Variants in DLX1 observed in about 807,000 individuals in gnomAD.
DLX1 encodes the protein distal-less homeobox 1.
DLX1 carries 7 observed loss-of-function variants against 25.0 expected under a neutral mutation model. The ratio of observed to expected loss-of-function variants is 0.28; its 90% CI spans 0.16 to 0.52. DLX1 has a LOEUF of 0.52. Among genes scored for constraint, DLX1 ranks in the 20% least tolerant of loss-of-function variants. The pLI is 0.96. For missense variants in DLX1, 233 were observed against 334.4 expected (o/e 0.70, Z 2.37); for synonymous variants, 155 against 140.3 (o/e 1.10, Z -0.74).
Position 172,088,329 on chromosome 2 carries a change from C to A in DLX1, c.*72C>A. The A allele has an allele frequency of 1.4e-6, 2 of 1,402,920 alleles. No homozygotes were observed. The highest frequency in any genetic ancestry group is 1.7e-5 in the South Asian group (1 of 58,468). 86.9% of individuals were successfully genotyped at this position (1,402,920 alleles called of 1,614,324 possible). A position where few individuals can be genotyped will look rare whatever the true frequency, so the allele number is the denominator to read the frequency against. On this transcript the variant is annotated 3_prime_UTR_variant, in exon 3 of 3. Coordinates refer to ENST00000361725, the MANE Select transcript of DLX1 (RefSeq NM_178120.5). ...CGCCTCCAGGTCCATCCATCCCGTC[C>A]GGAAAAGAAGGACCCAGAGGGAAGA...
rs1204674251 is a variant in DLX1 at position 172,088,176 on chromosome 2, C to T, written c.687C>T (p.Asn229=). 6.2e-7 allele frequency: 1 copy of T among 1,609,846 alleles called. No individual in the cohort carries two copies. Among genetic ancestry groups the T allele is most frequent in the Non-Finnish European group, 8.5e-7 (1 of 1,177,968 alleles). Reference sequence around the variant, plus strand: ...CATCCGGGAAGGGCTCAGGAGGAAACGCGGGCTCCTATATCCCCAGCTACA... The same window carrying T: ...CATCCGGGAAGGGCTCAGGAGGAAATGCGGGCTCCTATATCCCCAGCTACA... ...NSSSGKGSGG[N]AGSYIPSYTS... Residue 229 remains asparagine (N), a synonymous_variant, in exon 3 of 3, where the codon AAC becomes AAT. Coordinates refer to ENST00000361725, the MANE Select transcript of DLX1 (RefSeq NM_178120.5).
chr2:172,085,632 G>A lies in DLX1; in HGVS notation c.-46G>A, dbSNP rs1559027772. 6.4e-7 allele frequency: 1 copy of A among 1,569,358 alleles called. No individual in the cohort carries two copies. The stretch of plus-strand genomic sequence containing the variant: ...TGAGAAACATAGAGACCCCCAAAAG[G>A]GAAGCAGAGGAGAGAAAGTCCCACA... On this transcript the variant is annotated 5_prime_UTR_variant, in exon 1 of 3. Coordinates refer to ENST00000361725, the MANE Select transcript of DLX1 (RefSeq NM_178120.5). This position sits in a 1 kb window ranked among gnomAD's most constrained non-coding sequence, Gnocchi z 4.3.
chr2:172,086,979 A>G (rs558097199), intron 2 of DLX1, 126 bp downstream of exon 2: 1 of 961,378 alleles, frequency 1.0e-6, no homozygotes, highest in South Asian at 1.3e-5. Context: ...GTTTGTGTCC[A>G]CCCCTGGCTC....
chr2:172,087,579 G>C lies in DLX1; in HGVS notation c.514-424G>C, dbSNP rs140824841. 1.3e-5 allele frequency: 6 copies of C among 468,480 alleles called. No individual in the cohort carries two copies. In the Admixed American group the frequency reaches 1.4e-4, roughly 11 times the overall value. The allele number at this position is 468,480 out of a possible 1,614,324, so 29.0% of individuals were successfully genotyped here. A position where few individuals can be genotyped will look rare whatever the true frequency, so the allele number is the denominator to read the frequency against. ...ATGGCGCATAGAAAAGTTGGGTCGC[G>C]TTGCAAATAAATTTCCTCCACTCCT... On this transcript the variant is annotated intron_variant, in intron 2 of 2. Transcript: ENST00000361725.
chr2:172,088,397 C>G lies in DLX1; in HGVS notation c.*140C>G. 2.6e-6 allele frequency: 3 copies of G among 1,160,346 alleles called. No individual in the cohort carries two copies. Among genetic ancestry groups the G allele is most frequent in the Non-Finnish European group, 3.4e-6 (3 of 888,102 alleles). 71.9% of individuals were successfully genotyped at this position (1,160,346 alleles called of 1,614,324 possible). A position where few individuals can be genotyped will look rare whatever the true frequency, so the allele number is the denominator to read the frequency against. ...GACGCCCTCCATCTCCTCGGAGCCC[C>G]GCGAGGTCCGGCCCAGCAACTTCCC... is the stretch of plus-strand genomic sequence containing the variant. On this transcript the variant is annotated 3_prime_UTR_variant, in exon 3 of 3. Coordinates refer to ENST00000361725, the MANE Select transcript of DLX1 (RefSeq NM_178120.5).
At chr2:172,087,374 C>A in intron 2 of DLX1, 1 of 390,548 alleles carries the variant, frequency 2.6e-6, no homozygotes. Flanking sequence ...TGTAAGACTC[C>A]GGGGAGCCCG....
Position 172,088,367 on chromosome 2 carries a change from G to A in DLX1, c.*110G>A. 2 of 1,333,276 alleles carry A rather than the reference G, an allele frequency of 1.5e-6. No homozygotes were observed. Among genetic ancestry groups the A allele is most frequent in the Non-Finnish European group, 9.8e-7 (1 of 1,024,336 alleles). 82.6% of individuals were successfully genotyped at this position (1,333,276 alleles called of 1,614,324 possible). ...CCCAGAGGGAAGAAGGAACAGTGGA[G>A]GCGGGACGCCCTCCATCTCCTCGGA... is the stretch of plus-strand genomic sequence containing the variant. On this transcript the variant is annotated 3_prime_UTR_variant, in exon 3 of 3. Transcript: ENST00000361725.
chr2:172,088,131 C>G lies in DLX1; in HGVS notation c.642C>G (p.Pro214=), dbSNP rs73976550. ...CTGCTGGCTCCCCACCCGTGCCGCC[C>G]GGCTGGAACCCTAACTCTTCATCCG... ...ALSAGSPPVP[P]GWNPNSSSGK... The change falls in exon 3 of 3, where the codon CCC becomes CCG. Residue 214 remains proline, a synonymous_variant. Coordinates refer to ENST00000361725, the MANE Select transcript of DLX1 (RefSeq NM_178120.5). 5.3e-5 allele frequency: 86 copies of G among 1,609,262 alleles called. No homozygotes were observed. The African/African-American group carries it at 1.0e-3, about 19-fold the overall frequency.
At position 172,088,476 on chromosome 2, in the gene DLX1, A is replaced by C; in HGVS notation, c.*219A>C. 1 of 507,008 alleles carries C rather than the reference A, an allele frequency of 2.0e-6. No individual in the cohort carries two copies. The highest frequency in any genetic ancestry group is 5.5e-4 in the Middle Eastern group (1 of 1,810). The allele number at this position is 507,008 out of a possible 1,614,324, so 31.4% of individuals were successfully genotyped here. On this transcript the variant is annotated 3_prime_UTR_variant, in exon 3 of 3. Transcript: ENST00000361725. Reference sequence around the variant, plus strand: ...CCTGGGCCGAGCAGTGGCAGCAGAGAGTGGCCTCGGAGGGAAGCCACTGCC... The same window carrying C: ...CCTGGGCCGAGCAGTGGCAGCAGAGCGTGGCCTCGGAGGGAAGCCACTGCC...
intron 2 of DLX1, chr2:172,087,324 A>C: frequency 2.7e-6 from 1 of 369,078 alleles, no homozygotes; most frequent in South Asian, 2.1e-5. Flanking sequence ...CTCAAGTCCC[A>C]GACCTTAGAG....
intron 1 of DLX1, 63 bp downstream of exon 1, chr2:172,086,053 C>T: frequency 9.0e-7 from 1 of 1,109,722 alleles, no homozygotes; most frequent in Non-Finnish European, 1.2e-6. Context: ...AAAGAAGGAG[C>T]GGGGGAGAAG....
chr2:172,087,116 C>T, intron 2 of DLX1: 1 of 686,936 alleles, frequency 1.5e-6, no homozygotes, highest in Non-Finnish European at 2.7e-6. Flanking sequence ...AAGGATTTCC[C>T]CAGACGATTT....
rs1322206937 is a variant in DLX1 at position 172,086,677 on chromosome 2, G to A, written c.337G>A (p.Val113Met). The A allele has an allele frequency of 1.9e-6, 3 of 1,549,982 alleles. No individual in the cohort carries two copies. The highest frequency in any genetic ancestry group is 2.6e-6 in the Non-Finnish European group (3 of 1,146,878). ...AGGGGCGGACTCGGAGAAGAGCACG[G>A]TGGTGGAAGGCGGTGAAGTGCGCTT... ...DPGADSEKST[V>M]VEGGEVRFNG... The change falls in exon 2 of 3, where the codon GTG (valine) becomes ATG (methionine). Residue 113 changes from valine to methionine, a missense_variant. Transcript: ENST00000361725.
Position 172,085,636 on chromosome 2 carries a change from G to A in DLX1, c.-42G>A. On this transcript the variant is annotated 5_prime_UTR_variant, in exon 1 of 3. Transcript: ENST00000361725. The surrounding 1 kb of genome is among the most constrained non-coding windows in gnomAD (Gnocchi z 4.3). ...AAACATAGAGACCCCCAAAAGGGAA[G>A]CAGAGGAGAGAAAGTCCCACACCCA... is the stretch of plus-strand genomic sequence containing the variant. 3 of 1,578,994 alleles carry A rather than the reference G, an allele frequency of 1.9e-6. No homozygotes were observed. Among genetic ancestry groups the A allele is most frequent in the Non-Finnish European group, 2.6e-6 (3 of 1,162,902 alleles).
At chr2:172,086,056 G>C (rs1324466843) in intron 1 of DLX1, 66 bp downstream of exon 1, 1 of 1,456,546 alleles carries the variant, frequency 6.9e-7, no homozygotes, top group East Asian at 2.3e-5. Context: ...GAAGGAGCGG[G>C]GGAGAAGAGG....
At position 172,086,711 on chromosome 2, in the gene DLX1, A is replaced by G. The variant is rs1690844902; in HGVS notation, c.371A>G (p.Lys124Arg). 9 of 1,578,136 alleles carry G rather than the reference A, an allele frequency of 5.7e-6. No homozygotes were observed. The highest frequency in any genetic ancestry group is 6.9e-6 in the Non-Finnish European group (8 of 1,159,710). ...VEGGEVRFNG[K>R]GKKIRKPRTI... ...GGCGGTGAAGTGCGCTTCAATGGCA[A>G]GGGAAAAAAGATCCGTAAACCCAGG... Residue 124 changes from lysine (K) to arginine (R), a missense_variant, in exon 2 of 3, where the codon AAG (lysine) becomes AGG (arginine). Around this residue, in one of 3 missense-constraint regions of DLX1, gnomAD observed 126 missense variants for 170.4 expected, o/e 0.74. Coordinates refer to ENST00000361725, the MANE Select transcript of DLX1 (RefSeq NM_178120.5).
Position 172,087,490 on chromosome 2 carries a change from C to T in DLX1, c.514-513C>T, listed in dbSNP as rs1439886994. ...CACTAGTGCAAGAATGGTTTTGAAT[C>T]CAAAGAGAAGTTCAGCAAAACCTTG... On this transcript the variant is annotated intron_variant, in intron 2 of 2. Transcript: ENST00000361725. 5 of 457,582 alleles carry T rather than the reference C, an allele frequency of 1.1e-5. No homozygotes were observed. In the Admixed American group the frequency reaches 1.2e-4, roughly 11 times the overall value. The allele number at this position is 457,582 out of a possible 1,614,324, so 28.3% of individuals were successfully genotyped here.
At position 172,088,982 on chromosome 2, in the gene DLX1, A is replaced by G. The variant is rs1239854387; in HGVS notation, c.*725A>G. The G allele has an allele frequency of 6.6e-6, 1 of 152,222 alleles. No individual in the cohort carries two copies. Among genetic ancestry groups the G allele is most frequent in the Non-Finnish European group, 1.5e-5 (1 of 68,040 alleles). 9.4% of individuals were successfully genotyped at this position (152,222 alleles called of 1,614,324 possible). ...GAATAAGGAGGACGTGGTGATTTTT[A>G]ATTTATACAGTAACTTTTGTACTTC... On this transcript the variant is annotated 3_prime_UTR_variant, in exon 3 of 3. Coordinates refer to ENST00000361725, the MANE Select transcript of DLX1 (RefSeq NM_178120.5).
intron 2 of DLX1, chr2:172,087,531 G>A (rs951717561): frequency 2.6e-5 from 12 of 460,060 alleles, no homozygotes; most frequent in Non-Finnish European, 4.8e-5. Context: ...TCCTTAGTCC[G>A]TCCCAACTCA....
Sources: allele counts gnomAD v4.1 joint callset, GRCh38; gene constraint gnomAD v4.1.1; regional missense constraint gnomAD v4.1.1; non-coding constraint Gnocchi (gnomAD v3.1); transcripts MANE v1.5; gene names NCBI Gene and HGNC (gene_info 2026-07-23, HGNC 2026-07-21).